The following CEP128 variants were observed in gnomAD, a reference collection of about 807,000 sequenced individuals.
CEP128 encodes centrosomal protein 128kDa.
In CEP128, 132 loss-of-function variants were observed where a neutral mutation model predicts 156.7. That is an observed-to-expected ratio of 0.84 (90% CI 0.73 to 0.97). The LOEUF (loss-of-function observed/expected upper bound fraction) is 0.97, where lower values mean the gene tolerates loss of function less well. Among genes scored for constraint, CEP128 ranks in the 50% least tolerant of loss-of-function variants. CEP128 has a pLI of 0.00. For missense variants in CEP128, 1,252 were observed against 1,281.9 expected, an observed-to-expected ratio of 0.98 and a Z score of 0.36; for synonymous variants, 469 against 448.9, an observed-to-expected ratio of 1.04 and a Z score of -0.57.
At chr14:80,719,290 A>G (rs1897725921) in intron 19 of CEP128, among the ~76,000 whole-genome samples, 1 of 152,198 alleles carries the variant, frequency 6.6e-6, no homozygotes. Flanking sequence ...TCAAGAGCCC[A>G]TTCTTTGGAC....
chr14:80,893,241 G>A (rs927157716), intron 8 of CEP128, among the ~76,000 whole-genome samples: 2 of 151,840 alleles, frequency 1.3e-5, no homozygotes, highest in Admixed American at 1.3e-4. Context: ...GAAAAATATT[G>A]CATGATCTCA....
intron 15 of CEP128, among the ~76,000 whole-genome samples, chr14:80,780,575 G>T (rs17613911): frequency 6.6e-6 from 1 of 151,660 alleles, no homozygotes; most frequent in African/African-American, 2.4e-5. Context: ...CAGAAGATCC[G>T]CAGAATGCTT....
chr14:80,655,064 T>C (rs1182141627), intron 19 of CEP128, among the ~76,000 whole-genome samples: 1 of 152,194 alleles, frequency 6.6e-6, no homozygotes, highest in East Asian at 1.9e-4. Context: ...TTTAATTCTT[T>C]GTTCACGTTG....
At chr14:80,871,360 G>A (rs1447633939) in intron 8 of CEP128, among the ~76,000 whole-genome samples, 1 of 152,132 alleles carries the variant, frequency 6.6e-6, no homozygotes, top group Non-Finnish European at 1.5e-5. Flanking sequence ...AGCTTGAAAA[G>A]TAGTATTAGA....
chr14:80,933,735 T>C (rs901233045), intron 2 of CEP128, among the ~76,000 whole-genome samples: 1 of 152,260 alleles, frequency 6.6e-6, no homozygotes, highest in East Asian at 1.9e-4. Context: ...GGAAAAGGAA[T>C]AGAAAGTATC....
chr14:80,691,741 T>A (rs1188690984), intron 19 of CEP128, among the ~76,000 whole-genome samples: 1 of 152,094 alleles, frequency 6.6e-6, no homozygotes, highest in Admixed American at 6.6e-5. Context: ...ATCAAACAAT[T>A]CAACCTAAGT....
chr14:80,861,040 G>GATATTCAACAATATCTAAAATGA (rs1887489123), intron 9 of CEP128, among the ~76,000 whole-genome samples: 2 of 151,880 alleles, frequency 1.3e-5, no homozygotes, highest in African/African-American at 4.8e-5. Context: ...TAAAATGATA[G>GATATTCAACAATATCTAAAATGA]TAACAAAATA....
chr14:80,681,699 G>T (rs1163270484), intron 19 of CEP128, among the ~76,000 whole-genome samples: 1 of 152,182 alleles, frequency 6.6e-6, no homozygotes. Flanking sequence ...TTTCCCCTTT[G>T]CCTTCCGCCG....
intron 15 of CEP128, 33 bp from the exon 16 acceptor site, chr14:80,778,079 C>A: frequency 6.3e-7 from 1 of 1,598,292 alleles, no homozygotes; most frequent in East Asian, 2.2e-5. Context: ...ACAGAAAGTC[C>A]ACTAGCCATA....
At chr14:80,511,494 GT>G (rs1441541400) in intron 23 of CEP128, among the ~76,000 whole-genome samples, 2 of 151,602 alleles carry the variant, frequency 1.3e-5, no homozygotes, top group Non-Finnish European at 3.0e-5. Flanking sequence ...TCTTTTCTCT[GT>G]TTTTCTTATT....
chr14:80,734,846 C>CAA (rs397798792), intron 19 of CEP128, among the ~76,000 whole-genome samples: 111 of 61,332 alleles, frequency 1.8e-3, no homozygotes, highest in East Asian at 3.4e-3. Flanking sequence ...GACCCCATCT[C>CAA]AAAAAAAAAA....
downstream of CEP128, among the ~76,000 whole-genome samples, chr14:80,493,326 C>T (rs1887387765): frequency 6.6e-6 from 1 of 152,168 alleles, no homozygotes; most frequent in Non-Finnish European, 1.5e-5. Flanking sequence ...GTTTTGACTA[C>T]AGTAGCATTT....
intron 19 of CEP128, among the ~76,000 whole-genome samples, chr14:80,625,591 G>T (rs1353811687): frequency 6.6e-6 from 1 of 151,916 alleles, no homozygotes; most frequent in Non-Finnish European, 1.5e-5. Context: ...CATGAGCTTG[G>T]GATGTCATTC....
chr14:80,664,908 G>A (rs1002358671), intron 19 of CEP128, among the ~76,000 whole-genome samples: 6 of 152,158 alleles, frequency 3.9e-5, no homozygotes, highest in South Asian at 2.1e-4. Flanking sequence ...CTCTAATAGC[G>A]TAAACTTTAC....
intron 12 of CEP128, among the ~76,000 whole-genome samples, chr14:80,835,900 C>T (rs1046894274): frequency 5.3e-5 from 8 of 152,106 alleles, no homozygotes; most frequent in East Asian, 1.9e-4. Flanking sequence ...CACATATGCA[C>T]GTATATTTGG....
intron 19 of CEP128, among the ~76,000 whole-genome samples, chr14:80,609,841 T>C (rs1892926590): frequency 6.6e-6 from 1 of 151,456 alleles, no homozygotes; most frequent in African/African-American, 2.4e-5. Context: ...TAAAATTATA[T>C]ATGTATGTGA....
intron 23 of CEP128, among the ~76,000 whole-genome samples, chr14:80,508,178 A>T (rs1164503733): frequency 6.6e-6 from 1 of 152,142 alleles, no homozygotes; most frequent in Non-Finnish European, 1.5e-5. Flanking sequence ...GGCCCCCCAA[A>T]GTGCTGGGAT....
chr14:80,556,805 T>C (rs1890457047), intron 21 of CEP128, among the ~76,000 whole-genome samples: 1 of 152,130 alleles, frequency 6.6e-6, no homozygotes, highest in African/African-American at 2.4e-5. Context: ...TTTTTCTAAG[T>C]TTTAAGCACT....
At chr14:80,533,589 T>A (rs937406134) in intron 21 of CEP128, among the ~76,000 whole-genome samples, 7 of 152,206 alleles carry the variant, frequency 4.6e-5, no homozygotes, top group African/African-American at 1.7e-4. Flanking sequence ...CAAACGGCTA[T>A]GTTTTTGTGA....
Sources: allele counts gnomAD v4.1 joint callset (sites outside exome capture counted in the v4.1 genomes callset), GRCh38; gene constraint gnomAD v4.1.1; transcripts MANE v1.5; gene names NCBI Gene and HGNC (gene_info 2026-07-23, HGNC 2026-07-21).